Variants in GRIA2 observed in about 807,000 individuals in gnomAD.
The protein encoded by GRIA2 is glutamate ionotropic receptor AMPA type subunit 2.
A neutral mutation model predicts 97.3 loss-of-function variants in GRIA2; 14 were observed. The ratio of observed to expected loss-of-function variants is 0.14; its 90% CI spans 0.10 to 0.23. The LOEUF (loss-of-function observed/expected upper bound fraction) is 0.23. GRIA2 is among the 10% of genes least tolerant of loss of function. The pLI is 1.00. For missense variants in GRIA2, 558 were observed against 1,069.8 expected, an observed-to-expected ratio of 0.52 and a Z score of 6.67; for synonymous variants, 412 against 387.8, an observed-to-expected ratio of 1.06 and a Z score of -0.73.
chr4:157,352,313 AGG>A (rs1429702583), intron 12 of GRIA2, among the ~76,000 whole-genome samples: 2 of 152,186 alleles, frequency 1.3e-5, no homozygotes, highest in African/African-American at 4.8e-5. Flanking sequence ...AACTTAGGAA[AGG>A]TAATCTTTTT....
rs568210551 is a variant in GRIA2 at position 157,244,174 on chromosome 4, A to C, written c.229+22367A>C. Among the ~76,000 whole-genome samples the C allele has an allele frequency of 4.6e-5, 7 of 152,084 alleles. No homozygotes were observed. The South Asian group carries it at 1.5e-3, about 32-fold the overall frequency. On this transcript the variant is annotated intron_variant, in intron 2 of 15. Coordinates refer to ENST00000264426, the MANE Select transcript of GRIA2 (RefSeq NM_001083619.3). ...TAAATACAAAGGGCCTGAATGAGAAAAACCTTGGTGTGATTACTCTCAGGA... is the reference window on the plus strand; with the variant it reads ...TAAATACAAAGGGCCTGAATGAGAACAACCTTGGTGTGATTACTCTCAGGA...
At chr4:157,317,226 A>G (rs1412344666) in intron 4 of GRIA2, among the ~76,000 whole-genome samples, 3 of 152,222 alleles carry the variant, frequency 2.0e-5, no homozygotes, top group African/African-American at 7.2e-5. Context: ...TTATTTGAAT[A>G]TAGACATATG....
chr4:157,355,864 T>A (rs1287998727), intron 12 of GRIA2, among the ~76,000 whole-genome samples: 1 of 98,946 alleles, frequency 1.0e-5, no homozygotes, highest in Non-Finnish European at 1.8e-5. Flanking sequence ...TATATGTATA[T>A]ATTAACATAT....
chr4:157,303,027 G>C (rs1733683777), intron 2 of GRIA2, among the ~76,000 whole-genome samples: 1 of 152,146 alleles, frequency 6.6e-6, no homozygotes, highest in South Asian at 2.1e-4. Context: ...AAGTAGCTTT[G>C]TGGGGACATG....
intron 2 of GRIA2, among the ~76,000 whole-genome samples, chr4:157,239,130 C>G (rs1169205596): frequency 6.6e-6 from 1 of 152,074 alleles, no homozygotes; most frequent in Admixed American, 6.6e-5. Flanking sequence ...CATGCCACAT[C>G]AGCTTGGATG....
chr4:157,245,955 C>T (rs1730712889), intron 2 of GRIA2, among the ~76,000 whole-genome samples: 1 of 152,052 alleles, frequency 6.6e-6, no homozygotes, highest in East Asian at 1.9e-4. Flanking sequence ...AATGTTTCCT[C>T]TGGTTTATTT....
intron 2 of GRIA2, among the ~76,000 whole-genome samples, chr4:157,231,732 G>T (rs2126694631): frequency 6.6e-6 from 1 of 152,122 alleles, no homozygotes; most frequent in East Asian, 1.9e-4. Context: ...TGCTGACGGG[G>T]CTCATCTTAG....
chr4:157,253,659 T>C (rs1359411552), intron 2 of GRIA2, among the ~76,000 whole-genome samples: 1 of 152,124 alleles, frequency 6.6e-6, no homozygotes, highest in Non-Finnish European at 1.5e-5. Flanking sequence ...CCAAAGTTTA[T>C]TAAAATTATT....
At chr4:157,282,925 T>C (rs960136281) in intron 2 of GRIA2, among the ~76,000 whole-genome samples, 3 of 152,046 alleles carry the variant, frequency 2.0e-5, no homozygotes, top group African/African-American at 7.2e-5. Flanking sequence ...TTCACTGACA[T>C]AGAGTTTGCC....
chr4:157,268,526 T>C (rs774154312), intron 2 of GRIA2, among the ~76,000 whole-genome samples: 3 of 152,040 alleles, frequency 2.0e-5, no homozygotes, highest in Non-Finnish European at 4.4e-5. Context: ...GTCTTTATTG[T>C]TGCTGTTATA....
At chr4:157,307,929 A>C (rs571638776) in intron 3 of GRIA2, among the ~76,000 whole-genome samples, 1 of 152,364 alleles carries the variant, frequency 6.6e-6, no homozygotes, top group East Asian at 1.9e-4. Context: ...AATATATGTT[A>C]ATCTAATTTG....
intron 2 of GRIA2, among the ~76,000 whole-genome samples, chr4:157,241,059 A>G (rs1053510036): frequency 1.3e-5 from 2 of 152,142 alleles, no homozygotes; most frequent in Admixed American, 6.6e-5. Context: ...TTATGGCTGC[A>G]TAGTATTCCA....
intron 2 of GRIA2, among the ~76,000 whole-genome samples, chr4:157,240,937 C>T (rs1340664839): frequency 6.6e-6 from 1 of 151,548 alleles, no homozygotes; most frequent in Non-Finnish European, 1.5e-5. Flanking sequence ...TCAGTTCCCA[C>T]CTATGAGTGA....
chr4:157,262,622 A>G (rs1253522193), intron 2 of GRIA2, among the ~76,000 whole-genome samples: 2 of 152,034 alleles, frequency 1.3e-5, no homozygotes, highest in East Asian at 3.9e-4. Flanking sequence ...AACCCAGTTT[A>G]CATGCCTAGA....
chr4:157,361,507 T>A lies in GRIA2; in HGVS notation c.2406+383T>A. 1 of 1,331,002 alleles carries A rather than the reference T, an allele frequency of 7.5e-7. No individual in the cohort carries two copies. Among genetic ancestry groups the A allele is most frequent in the Non-Finnish European group, 1.1e-6 (1 of 922,750 alleles). The allele number at this position is 1,331,002 out of a possible 1,614,324, so 82.4% of individuals were successfully genotyped here. On this transcript the variant is annotated intron_variant, in intron 14 of 15. Coordinates refer to ENST00000264426, the MANE Select transcript of GRIA2 (RefSeq NM_001083619.3). This position sits in a 1 kb window ranked among gnomAD's most constrained non-coding sequence, Gnocchi z 5.2. Reference sequence around the variant, plus strand: ...AATGAATAACATAAAATAACATTGATAATGTTATTTATGTTATTTTCCACG... The same window carrying A: ...AATGAATAACATAAAATAACATTGAAAATGTTATTTATGTTATTTTCCACG...
At chr4:157,275,732 C>T (rs530660652) in intron 2 of GRIA2, among the ~76,000 whole-genome samples, 11 of 152,224 alleles carry the variant, frequency 7.2e-5, no homozygotes, top group African/African-American at 2.4e-4. Flanking sequence ...GTCTATATCT[C>T]TCTTTTGGTA....
At chr4:157,354,830 T>C (rs1301391117) in intron 12 of GRIA2, among the ~76,000 whole-genome samples, 1 of 152,138 alleles carries the variant, frequency 6.6e-6, no homozygotes, top group Non-Finnish European at 1.5e-5. Context: ...TGTCAGGACT[T>C]TTCTAGAGCT....
intron 2 of GRIA2, among the ~76,000 whole-genome samples, chr4:157,253,343 C>G (rs1253662995): frequency 6.6e-6 from 1 of 152,010 alleles, no homozygotes; most frequent in Non-Finnish European, 1.5e-5. Flanking sequence ...TCTCGAATTC[C>G]TGAGCTCAAG....
rs539910680 is a variant in GRIA2 at position 157,235,100 on chromosome 4, A to G, written c.229+13293A>G. Among the ~76,000 whole-genome samples, 8 of 152,222 alleles carry G rather than the reference A, an allele frequency of 5.3e-5. No individual in the cohort carries two copies. The East Asian group carries it at 9.6e-4, about 18-fold the overall frequency. On this transcript the variant is annotated intron_variant, in intron 2 of 15. Coordinates refer to ENST00000264426, the MANE Select transcript of GRIA2 (RefSeq NM_001083619.3). Reference sequence around the variant, plus strand: ...AATTACTCTTTTAAAGCAAATCTGTATATTTACACAACAGTTATATCCATG... The same window carrying G: ...AATTACTCTTTTAAAGCAAATCTGTGTATTTACACAACAGTTATATCCATG...
Sources: gnomAD v4.1 joint callset for allele counts (sites outside exome capture counted in the v4.1 genomes callset) on GRCh38, gnomAD v4.1.1 for gene constraint, Gnocchi (gnomAD v3.1) non-coding constraint, MANE v1.5 for transcripts, NCBI Gene and HGNC (gene_info 2026-07-23, HGNC 2026-07-21) for gene names.